The following PTPRN2 variants were observed in gnomAD, a reference collection of about 807,000 sequenced individuals.
PTPRN2 encodes receptor-type tyrosine-protein phosphatase N2.
Under a neutral mutation model 118.8 loss-of-function variants are expected in PTPRN2, and 74 were observed. That is an observed-to-expected ratio of 0.62 (90% CI 0.52 to 0.76). The LOEUF is 0.76. PTPRN2 is among the 30% of genes least tolerant of loss of function. PTPRN2 has a pLI of 0.00. For missense variants in PTPRN2, 1,481 were observed against 1,394.4 expected (o/e 1.06, Z -0.99); for synonymous variants, 641 against 608.0 (o/e 1.05, Z -0.80).
In PTPRN2 at chr7:157,765,629, A is replaced by G. The variant is rs558182521; in HGVS notation, c.1789-82692T>C. 1.3e-4 allele frequency among the ~76,000 whole-genome samples: 18 copies of G among 140,332 alleles called. No homozygotes were observed. In the South Asian group the frequency reaches 4.2e-3, roughly 33 times the overall value. 92.1% of individuals were successfully genotyped at this position (140,332 alleles called of 152,430 possible). ...CCACCCACCTACCCATCCATCATCC[A>G]TTCTTCCTCCATCCGTCCACCCTTC... On this transcript the variant is annotated intron_variant, in intron 12 of 22. Transcript: ENST00000389418.
In PTPRN2 at chr7:158,004,554, CT is replaced by C. The variant is rs1805514156; in HGVS notation, c.1723+76743del. The stretch of plus-strand genomic sequence containing the variant: ...TGCTGCTTGTTTACATTATATTTCT[CT>C]GAGATAACAGAAAGAGGCACATCTT... On this transcript the variant is annotated intron_variant, in intron 11 of 22. Coordinates refer to ENST00000389418, the MANE Select transcript of PTPRN2 (RefSeq NM_002847.5). Among the ~76,000 whole-genome samples, 5 of 152,268 alleles carry C rather than the reference CT, an allele frequency of 3.3e-5. No individual in the cohort carries two copies. The South Asian group carries it at 1.0e-3, about 32-fold the overall frequency.
intron 11 of PTPRN2, among the ~76,000 whole-genome samples, chr7:157,959,718 G>A (rs188004827): frequency 9.2e-5 from 14 of 152,298 alleles, no homozygotes; most frequent in African/African-American, 2.4e-4. Context: ...ACTGAAACTC[G>A]TGTGTACTCC....
At chr7:158,223,799 GA>G (rs368290683) in intron 3 of PTPRN2, among the ~76,000 whole-genome samples, 75 of 152,008 alleles carry the variant, frequency 4.9e-4, no homozygotes, top group Middle Eastern at 3.4e-3. Context: ...CATAAAGCTG[GA>G]AGTTCCAGCC....
chr7:157,751,373 GTTTAT>G (rs1801456591), intron 12 of PTPRN2, among the ~76,000 whole-genome samples: 1 of 152,172 alleles, frequency 6.6e-6, no homozygotes, highest in Non-Finnish European at 1.5e-5. Context: ...GTGGCAGCGG[GTTTAT>G]TTTTGAATGA....
chr7:158,382,220 C>A (rs1811015848), intron 2 of PTPRN2, among the ~76,000 whole-genome samples: 1 of 152,122 alleles, frequency 6.6e-6, no homozygotes, highest in South Asian at 2.1e-4. Context: ...CAACTCCCCT[C>A]CGTGAACAGC....
chr7:157,889,922 G>A (rs565086385), intron 12 of PTPRN2, among the ~76,000 whole-genome samples: 10 of 152,300 alleles, frequency 6.6e-5, no homozygotes, highest in South Asian at 2.1e-4. Context: ...CACCTGTTAC[G>A]TACATGGGCT....
intron 12 of PTPRN2, among the ~76,000 whole-genome samples, chr7:157,786,061 G>A (rs913669569): frequency 6.6e-5 from 10 of 152,114 alleles, no homozygotes; most frequent in African/African-American, 2.4e-4. Context: ...TGTGGGGCAC[G>A]AGCGTTAGCC....
intron 3 of PTPRN2, among the ~76,000 whole-genome samples, chr7:158,206,583 G>A (rs777075721): frequency 7.2e-5 from 11 of 152,002 alleles, no homozygotes; most frequent in Non-Finnish European, 1.3e-4. Flanking sequence ...GAGAGAGAGA[G>A]ACCGTCCGTT....
chr7:158,144,315 T>C (rs1819677619), intron 6 of PTPRN2, among the ~76,000 whole-genome samples: 1 of 152,126 alleles, frequency 6.6e-6, no homozygotes, highest in African/African-American at 2.4e-5. Context: ...GCTACAGTGT[T>C]GCCAGCAGGA....
chr7:157,569,149 C>T (rs1043531689), intron 20 of PTPRN2, among the ~76,000 whole-genome samples, 183 bp from the exon 21 acceptor site: 1 of 152,218 alleles, frequency 6.6e-6, no homozygotes, highest in Non-Finnish European at 1.5e-5. Context: ...GAAGGGAGGC[C>T]CCTGGGGGCT....
intron 3 of PTPRN2, among the ~76,000 whole-genome samples, chr7:158,267,318 C>A (rs996629513): frequency 6.6e-6 from 1 of 152,056 alleles, no homozygotes; most frequent in Non-Finnish European, 1.5e-5. Context: ...CCGCGGGGAA[C>A]CCCGGGGGCG....
intron 16 of PTPRN2, 134 bp from the exon 17 acceptor site, chr7:157,595,449 A>G: frequency 2.6e-6 from 2 of 755,106 alleles, no homozygotes; most frequent in Admixed American, 2.7e-5. Flanking sequence ...AGAAACCCGG[A>G]GGTTAGGAAA....
At chr7:157,612,271 G>C (rs1802400710) in intron 15 of PTPRN2, among the ~76,000 whole-genome samples, 1 of 152,212 alleles carries the variant, frequency 6.6e-6, no homozygotes, top group South Asian at 2.1e-4. Context: ...GCAGGAACTA[G>C]AACAGTTTGC....
At chr7:158,203,208 G>A (rs1826780224) in intron 4 of PTPRN2, among the ~76,000 whole-genome samples, 2 of 119,108 alleles carry the variant, frequency 1.7e-5, no homozygotes, top group Admixed American at 1.1e-4. Context: ...CTCCGGCCTA[G>A]GTGATGAAGC....
At position 157,603,899 on chromosome 7, in the gene PTPRN2, C is replaced by G. The variant is rs1801843428; in HGVS notation, c.2418+103G>C. 2 of 1,101,684 alleles carry G rather than the reference C, an allele frequency of 1.8e-6. No homozygotes were observed. The highest frequency in any genetic ancestry group is 2.0e-5 in the Admixed American group (1 of 50,202). 68.2% of individuals were successfully genotyped at this position (1,101,684 alleles called of 1,614,324 possible). ...CCCTGTCCACCGCAGAGACGCTGAGCTGGGTGGGGACGTGATTTCCCCCGA... is the reference window on the plus strand; with the variant it reads ...CCCTGTCCACCGCAGAGACGCTGAGGTGGGTGGGGACGTGATTTCCCCCGA... On this transcript the variant is annotated intron_variant, in intron 16 of 22. Transcript: ENST00000389418. The surrounding 1 kb of genome is among the most constrained non-coding windows in gnomAD (Gnocchi z 5.4).
chr7:158,135,423 G>A (rs1818725641), intron 8 of PTPRN2, among the ~76,000 whole-genome samples: 1 of 151,656 alleles, frequency 6.6e-6, no homozygotes, highest in African/African-American at 2.4e-5. Context: ...CACTTAAATT[G>A]TGTTTCATGT....
intron 2 of PTPRN2, among the ~76,000 whole-genome samples, chr7:158,405,500 G>A (rs150862732): frequency 1.6e-4 from 25 of 152,250 alleles, no homozygotes; most frequent in Non-Finnish European, 2.8e-4. Context: ...TGCAGCGTCC[G>A]ACCGTCTCTC....
chr7:158,498,079 G>T (rs1382000207), intron 1 of PTPRN2, among the ~76,000 whole-genome samples: 1 of 152,272 alleles, frequency 6.6e-6, no homozygotes, highest in Non-Finnish European at 1.5e-5. Context: ...AGCAGAGGCT[G>T]AAATGGCCAA....
intron 2 of PTPRN2, among the ~76,000 whole-genome samples, chr7:158,450,005 TGGAGGCTG>T (rs1817990848): frequency 6.6e-6 from 1 of 152,226 alleles, no homozygotes; most frequent in South Asian, 2.1e-4. Flanking sequence ...CCTCATGGTC[TGGAGGCTG>T]GAAGTCTGGG....
Sources: allele counts gnomAD v4.1 joint callset (sites outside exome capture counted in the v4.1 genomes callset), GRCh38; gene constraint gnomAD v4.1.1; non-coding constraint Gnocchi (gnomAD v3.1); transcripts MANE v1.5; gene names NCBI Gene and HGNC (gene_info 2026-07-23, HGNC 2026-07-21).